GABRB1: variants seen among roughly 807,000 people sequenced by gnomAD.
GABRB1 encodes gamma-aminobutyric acid receptor subunit beta-1.
A neutral mutation model predicts 51.6 loss-of-function variants in GABRB1; 17 were observed. That is an observed-to-expected ratio of 0.33 (90% CI 0.23 to 0.49). GABRB1 has a LOEUF of 0.49. Ranked by LOEUF, GABRB1 falls within the 20% of genes least tolerant of loss-of-function variation. GABRB1 has a pLI of 0.99. For synonymous variants in GABRB1, 247 were observed against 218.9 expected (o/e 1.13, Z -1.14); for missense variants, 410 against 600.6 (o/e 0.68, Z 3.32).
chr4:47,308,043 T>C (rs1188018082), intron 4 of GABRB1, among the ~76,000 whole-genome samples: 1 of 152,026 alleles, frequency 6.6e-6, no homozygotes, highest in Non-Finnish European at 1.5e-5. Context: ...TCTTATTTAT[T>C]AGATTCTAGC....
Position 47,008,850 on chromosome 4 carries a change from TA to T in GABRB1, c.-20+14925del, listed in dbSNP as rs1489607016. Reference sequence around the variant, plus strand: ...TTCACCCTGTCACGCTATCAGATACTACCTTTTTTTTTTTTTTTTTTTTTTT... The same window carrying T: ...TTCACCCTGTCACGCTATCAGATACTCCTTTTTTTTTTTTTTTTTTTTTTT... On this transcript the variant is annotated intron_variant, in intron 1 of 3. Coordinates refer to the GABRB1 transcript ENST00000513567. 1.9e-3 allele frequency among the ~76,000 whole-genome samples: 195 copies of T among 104,416 alleles called. 6 individuals carry two copies. The highest frequency in any genetic ancestry group is 7.1e-3 in the African/African-American group (188 of 26,488). 68.5% of individuals were successfully genotyped at this position (104,416 alleles called of 152,430 possible).
intron 4 of GABRB1, among the ~76,000 whole-genome samples, chr4:47,234,181 G>A (rs906874696): frequency 7.9e-5 from 12 of 152,074 alleles, no homozygotes; most frequent in East Asian, 3.9e-4. Context: ...AAATATGACA[G>A]CAACCCCATC....
At chr4:47,424,253 A>T (rs1259325277) in intron 8 of GABRB1, among the ~76,000 whole-genome samples, 1 of 152,220 alleles carries the variant, frequency 6.6e-6, no homozygotes, top group Non-Finnish European at 1.5e-5. Flanking sequence ...TCAGATACAC[A>T]TGGGTTCTAA....
chr4:47,344,965 C>T (rs963241344), intron 5 of GABRB1, among the ~76,000 whole-genome samples: 3 of 152,192 alleles, frequency 2.0e-5, no homozygotes, highest in Non-Finnish European at 2.9e-5. Flanking sequence ...TCAGGTGATC[C>T]GCCTGCCTCA....
At chr4:47,184,218 A>G (rs1389544253) in intron 4 of GABRB1, among the ~76,000 whole-genome samples, 2 of 151,922 alleles carry the variant, frequency 1.3e-5, no homozygotes, top group African/African-American at 4.8e-5. Flanking sequence ...CAGTCTGCCA[A>G]AACAGCCAAC....
chr4:47,112,039 G>A (rs558659608), intron 3 of GABRB1, among the ~76,000 whole-genome samples: 1 of 148,912 alleles, frequency 6.7e-6, no homozygotes, highest in South Asian at 2.1e-4. Context: ...GCACGATCTC[G>A]GCTCACTGCA....
intron 4 of GABRB1, among the ~76,000 whole-genome samples, chr4:47,305,835 G>T (rs1166136463): frequency 6.6e-6 from 1 of 152,080 alleles, no homozygotes; most frequent in Non-Finnish European, 1.5e-5. Context: ...CTCAAACTGG[G>T]GACAGGAAGG....
At chr4:47,343,978 A>G (rs1280099929) in intron 5 of GABRB1, among the ~76,000 whole-genome samples, 3 of 152,184 alleles carry the variant, frequency 2.0e-5, no homozygotes, top group African/African-American at 7.2e-5. Context: ...TCTCTGTACA[A>G]CATAGACTGT....
At chr4:47,268,792 C>T (rs1722742290) in intron 4 of GABRB1, among the ~76,000 whole-genome samples, 1 of 152,066 alleles carries the variant, frequency 6.6e-6, no homozygotes, top group Non-Finnish European at 1.5e-5. Flanking sequence ...CTTTTTTCTA[C>T]TGGGCAAATT....
intron 4 of GABRB1, among the ~76,000 whole-genome samples, chr4:47,305,685 C>T (rs1026582174): frequency 6.6e-6 from 1 of 151,998 alleles, no homozygotes; most frequent in Non-Finnish European, 1.5e-5. Context: ...CACCAAGATC[C>T]GTGTAAGTTG....
At chr4:47,302,715 A>G (rs1213952113) in intron 4 of GABRB1, among the ~76,000 whole-genome samples, 1 of 152,008 alleles carries the variant, frequency 6.6e-6, no homozygotes, top group Non-Finnish European at 1.5e-5. Context: ...TGTAGCTCTA[A>G]TTTACGCAGT....
At chr4:47,222,558 G>A (rs893160729) in intron 4 of GABRB1, among the ~76,000 whole-genome samples, 9 of 152,274 alleles carry the variant, frequency 5.9e-5, no homozygotes, top group African/African-American at 1.9e-4. Flanking sequence ...AAGAGGCACA[G>A]TCCAGCAGAC....
intron 4 of GABRB1, among the ~76,000 whole-genome samples, chr4:47,295,473 G>A (rs1723939493): frequency 6.6e-6 from 1 of 152,186 alleles, no homozygotes; most frequent in Non-Finnish European, 1.5e-5. Context: ...AGAAGCCTCA[G>A]GAGCCGATGT....
At chr4:47,173,666 A>T (rs1718537870) in intron 4 of GABRB1, among the ~76,000 whole-genome samples, 1 of 152,206 alleles carries the variant, frequency 6.6e-6, no homozygotes, top group Non-Finnish European at 1.5e-5. Flanking sequence ...GAAGTGCCTC[A>T]GGCCCAAAAA....
At chr4:47,186,369 A>G (rs1260038240) in intron 4 of GABRB1, among the ~76,000 whole-genome samples, 1 of 151,872 alleles carries the variant, frequency 6.6e-6, no homozygotes, top group Non-Finnish European at 1.5e-5. Flanking sequence ...AATCACAATA[A>G]CATCCCTATT....
chr4:47,062,578 C>T (rs891727685), intron 3 of GABRB1, among the ~76,000 whole-genome samples: 1 of 151,706 alleles, frequency 6.6e-6, no homozygotes, highest in Admixed American at 6.6e-5. Flanking sequence ...TAATATTTTG[C>T]TCTTCTTCTT....
intron 1 of GABRB1, among the ~76,000 whole-genome samples, chr4:47,011,903 A>G (rs1166430992): frequency 6.6e-6 from 1 of 152,202 alleles, no homozygotes; most frequent in Non-Finnish European, 1.5e-5. Flanking sequence ...ACAGGAAAAA[A>G]AATCCCACAG....
chr4:47,076,235 T>A (rs1295344755), intron 3 of GABRB1, among the ~76,000 whole-genome samples: 1 of 152,204 alleles, frequency 6.6e-6, no homozygotes, highest in Non-Finnish European at 1.5e-5. Flanking sequence ...GTCTCTGTGC[T>A]TGTTCCTTCA....
intron 4 of GABRB1, among the ~76,000 whole-genome samples, chr4:47,261,160 C>T (rs1722422016): frequency 6.6e-6 from 1 of 152,194 alleles, no homozygotes. Flanking sequence ...TGCCCTCTCT[C>T]ACCACTCCTA....
Sources: gnomAD v4.1 joint callset for allele counts (sites outside exome capture counted in the v4.1 genomes callset) on GRCh38, gnomAD v4.1.1 for gene constraint, MANE v1.5 for transcripts, NCBI Gene and HGNC (gene_info 2026-07-23, HGNC 2026-07-21) for gene names.